The following RALGPS1 variants were observed in gnomAD, a reference collection of about 807,000 sequenced individuals.
RALGPS1 encodes ras-specific guanine nucleotide-releasing factor RalGPS1.
A neutral mutation model predicts 78.8 loss-of-function variants in RALGPS1; 19 were observed. The observed-to-expected ratio is 0.24, with a 90% CI of 0.17 to 0.35. The LOEUF (loss-of-function observed/expected upper bound fraction) is 0.35. Among genes scored for constraint, RALGPS1 ranks in the 10% least tolerant of loss-of-function variants. The pLI is 1.00. For missense variants in RALGPS1, 454 were observed against 688.3 expected (o/e 0.66, Z 3.81); for synonymous variants, 228 against 256.3 (o/e 0.89, Z 1.06).
At chr9:127,098,811 G>A (rs577296565) in intron 8 of RALGPS1, among the ~76,000 whole-genome samples, 2 of 152,280 alleles carry the variant, frequency 1.3e-5, no homozygotes, top group South Asian at 4.1e-4. Context: ...AGTTAGAACC[G>A]GCACCTAGGC....
chr9:127,083,981 G>T (rs544588048), intron 8 of RALGPS1, among the ~76,000 whole-genome samples: 5 of 152,150 alleles, frequency 3.3e-5, no homozygotes, highest in Admixed American at 3.3e-4. Context: ...CATGATCTTG[G>T]CTCACTGCAG....
In RALGPS1 at chr9:126,916,049, T is replaced by G. The variant is rs185153719; in HGVS notation, c.-66+1074T>G. Among the ~76,000 whole-genome samples, 4 of 152,304 alleles carry G rather than the reference T, an allele frequency of 2.6e-5. No individual in the cohort carries two copies. In the East Asian group the frequency reaches 5.8e-4, roughly 22 times the overall value. ...CAAAATGAGCATGTTAGTACCTGCC[T>G]GTGTGCCTCCCAGGGGCCTGGTGAG... On this transcript the variant is annotated intron_variant, in intron 1 of 18. Coordinates refer to ENST00000259351, the MANE Select transcript of RALGPS1 (RefSeq NM_014636.3).
chr9:127,165,345 C>T (rs2059241762), intron 8 of RALGPS1, among the ~76,000 whole-genome samples: 1 of 152,230 alleles, frequency 6.6e-6, no homozygotes, highest in African/African-American at 2.4e-5. Flanking sequence ...GCGGCCCTTC[C>T]CCTTCCCCAG....
At chr9:127,051,944 G>A (rs1330294267) in intron 6 of RALGPS1, among the ~76,000 whole-genome samples, 1 of 152,196 alleles carries the variant, frequency 6.6e-6, no homozygotes, top group Non-Finnish European at 1.5e-5. Flanking sequence ...TTAAGTGACA[G>A]GGGTGGGCAA....
chr9:126,945,285 G>A (rs1208723056), intron 1 of RALGPS1, among the ~76,000 whole-genome samples: 2 of 151,950 alleles, frequency 1.3e-5, no homozygotes, highest in Non-Finnish European at 2.9e-5. Context: ...TGCAACCTCC[G>A]CCTCCCTGGT....
intron 1 of RALGPS1, among the ~76,000 whole-genome samples, chr9:126,922,684 T>C (rs1489754197): frequency 6.6e-6 from 1 of 152,222 alleles, no homozygotes; most frequent in Non-Finnish European, 1.5e-5. Context: ...ACTCTCTCAC[T>C]GTGTGCCCTG....
chr9:127,155,826 A>G (rs1363506780), intron 8 of RALGPS1, among the ~76,000 whole-genome samples: 1 of 152,148 alleles, frequency 6.6e-6, no homozygotes, highest in Non-Finnish European at 1.5e-5. Flanking sequence ...TGTGCTTCAC[A>G]TATTGCTCTC....
rs2060410929 is a variant in RALGPS1, at chr9:127,183,391, T to G, written c.910+8609T>G. On this transcript the variant is annotated intron_variant, in intron 11 of 18. Coordinates refer to ENST00000259351, the MANE Select transcript of RALGPS1 (RefSeq NM_014636.3). The surrounding 1 kb of genome is among the most constrained non-coding windows in gnomAD (Gnocchi z 4.0). ...TTCCATGCCCCCCCGCAAAGTCTGG[T>G]GCCCACTGCCAGCTTCCTGATGTTT... Among the ~76,000 whole-genome samples the G allele has an allele frequency of 6.6e-6, 1 of 152,128 alleles. No individual in the cohort carries two copies. The highest frequency in any genetic ancestry group is 2.4e-5 in the African/African-American group (1 of 41,420).
rs191471228 is a variant in RALGPS1, at chr9:127,069,461, C to A, written c.610+105C>A. On this transcript the variant is annotated intron_variant, in intron 8 of 18. Transcript: ENST00000259351. ...AAAATTTCCAGGAAGCGACATGGCC[C>A]GTAGATAAAGAGGCAATTGGTTGGC... 5.9e-6 allele frequency: 8 copies of A among 1,350,258 alleles called. No homozygotes were observed. The Admixed American group carries it at 1.5e-4, about 25-fold the overall frequency. The allele number at this position is 1,350,258 out of a possible 1,614,324, so 83.6% of individuals were successfully genotyped here.
Position 127,133,244 on chromosome 9 carries a change from G to A in RALGPS1, c.611-32825G>A, listed in dbSNP as rs187844870. ...GCACCCTGGGGAGGCTGCCCTGCCC[G>A]GTGCCCCGGACCCTCAGCCCCAGTC... On this transcript the variant is annotated intron_variant, in intron 8 of 18. Transcript: ENST00000259351. Among the ~76,000 whole-genome samples the A allele has an allele frequency of 2.4e-3, 373 of 152,322 alleles. 3 individuals carry two copies. Among genetic ancestry groups the A allele is most frequent in the African/African-American group, 8.4e-3 (349 of 41,568 alleles).
intron 11 of RALGPS1, among the ~76,000 whole-genome samples, chr9:127,179,307 A>C (rs1355576186): frequency 6.6e-6 from 1 of 152,156 alleles, no homozygotes; most frequent in Non-Finnish European, 1.5e-5. Context: ...CAGAAGACAG[A>C]GAGTGGGTGC....
At chr9:126,972,088 A>G (rs2040173937) in intron 3 of RALGPS1, among the ~76,000 whole-genome samples, 1 of 152,222 alleles carries the variant, frequency 6.6e-6, no homozygotes, top group Non-Finnish European at 1.5e-5. Flanking sequence ...GGGAAAGGAC[A>G]TGTTCAAGAT....
chr9:127,124,002 C>T (rs2056402235), intron 8 of RALGPS1, among the ~76,000 whole-genome samples: 1 of 152,134 alleles, frequency 6.6e-6, no homozygotes, highest in Non-Finnish European at 1.5e-5. Context: ...TTTAATGGGA[C>T]TCTCCCTGCC....
intron 4 of RALGPS1, among the ~76,000 whole-genome samples, chr9:127,018,653 A>G (rs112289881): frequency 0.11 from 16,331 of 144,966 alleles, 1,425 homozygotes; most frequent in Non-Finnish European, 0.15. Flanking sequence ...TGATGATAAT[A>G]ATAATAATAA....
chr9:126,970,792 A>G (rs2040034241), intron 3 of RALGPS1, among the ~76,000 whole-genome samples: 1 of 152,230 alleles, frequency 6.6e-6, no homozygotes, highest in Non-Finnish European at 1.5e-5. Context: ...AAACATAAGC[A>G]ACAGGAAATT....
chr9:126,965,146 C>T (rs2039349149), intron 2 of RALGPS1, among the ~76,000 whole-genome samples: 1 of 152,184 alleles, frequency 6.6e-6, no homozygotes, highest in Non-Finnish European at 1.5e-5. Context: ...CTTTCATATA[C>T]ATGCAGGATG....
At chr9:127,155,187 G>A (rs1210597767) in intron 8 of RALGPS1, among the ~76,000 whole-genome samples, 2 of 152,178 alleles carry the variant, frequency 1.3e-5, no homozygotes, top group African/African-American at 4.8e-5. Flanking sequence ...CAGGTTGAAG[G>A]GAGTCGTGTA....
chr9:126,932,762 AT>A (rs1329004795), intron 1 of RALGPS1, among the ~76,000 whole-genome samples: 1 of 152,180 alleles, frequency 6.6e-6, no homozygotes, highest in African/African-American at 2.4e-5. Context: ...TAAAACAAAA[AT>A]GTTGAAACAT....
chr9:127,045,626 G>A (rs775929818), intron 5 of RALGPS1, among the ~76,000 whole-genome samples: 20 of 152,072 alleles, frequency 1.3e-4, no homozygotes, highest in Non-Finnish European at 2.4e-4. Context: ...ACGTGGTAAT[G>A]GATTACGGTT....
Sources: gnomAD v4.1 joint callset for allele counts (sites outside exome capture counted in the v4.1 genomes callset) on GRCh38, gnomAD v4.1.1 for gene constraint, Gnocchi (gnomAD v3.1) non-coding constraint, MANE v1.5 for transcripts, NCBI Gene and HGNC (gene_info 2026-07-23, HGNC 2026-07-21) for gene names.